DSE: variants seen among roughly 807,000 people sequenced by gnomAD.
DSE encodes the protein dermatan-sulfate epimerase.
DSE carries 36 observed loss-of-function variants against 84.4 expected under a neutral mutation model. The observed-to-expected ratio is 0.43, with a 90% CI of 0.33 to 0.56. The LOEUF is 0.56. DSE is among the 20% of genes least tolerant of loss of function. The pLI is 0.06. For missense variants in DSE, 862 were observed against 1,169.6 expected, an observed-to-expected ratio of 0.74 and a Z score of 3.84; for synonymous variants, 410 against 430.1, an observed-to-expected ratio of 0.95 and a Z score of 0.58.
rs1236531870 is a variant in DSE, at chr6:116,426,775, G to A, written c.618G>A (p.Gln206=). The A allele has an allele frequency of 6.2e-7, 1 of 1,614,166 alleles. No homozygotes were observed. Among genetic ancestry groups the A allele is most frequent in the South Asian group, 1.1e-5 (1 of 91,086 alleles). Residue 206 remains glutamine, a synonymous_variant, in exon 3 of 6, where the codon CAG becomes CAA. Coordinates refer to ENST00000644252, the MANE Select transcript of DSE (RefSeq NM_013352.4). ...GWGFQYLHNH[Q]PTNCMALLTG... is the part of the protein sequence containing the mutation. The stretch of plus-strand genomic sequence containing the variant: ...GATTTCAATACCTGCACAATCATCA[G>A]CCCACCAACTGTATGGCTTTGCTCA...
At chr6:116,266,885 G>A (rs1772650807) in intron 2 of DSE, among the ~76,000 whole-genome samples, 2 of 152,166 alleles carry the variant, frequency 1.3e-5, no homozygotes, top group Non-Finnish European at 2.9e-5. Context: ...AAATACTCAT[G>A]TGCCACATAA....
chr6:116,341,636 TA>T (rs1397136996), intron 2 of DSE, among the ~76,000 whole-genome samples: 1 of 152,250 alleles, frequency 6.6e-6, no homozygotes, highest in Non-Finnish European at 1.5e-5. Flanking sequence ...GTCTAACATT[TA>T]AGTCTTTAAT....
At chr6:116,258,508 G>T in exon 2 of DSE, 2 of 1,191,996 alleles carry the variant, frequency 1.7e-6, no homozygotes, top group Non-Finnish European at 2.5e-6. Context: ...GGTTGGACTT[G>T]GCCACATGCT....
chr6:116,425,627 T>C (rs1171062413), intron 2 of DSE, among the ~76,000 whole-genome samples: 1 of 94,752 alleles, frequency 1.1e-5, no homozygotes, highest in Non-Finnish European at 2.5e-5. Flanking sequence ...TTATTTTATT[T>C]TATTTTTTTT....
rs1337802354 is a variant in DSE at position 116,433,570 on chromosome 6, C to T, written c.1118+20C>T. 1 of 1,585,250 alleles carries T rather than the reference C, an allele frequency of 6.3e-7. No homozygotes were observed. ...TCTCTGGTATGACACATTGGGCTAGCTTTAAAGAGAAATGGTACCCAAGGG... is the reference window on the plus strand; with the variant it reads ...TCTCTGGTATGACACATTGGGCTAGTTTTAAAGAGAAATGGTACCCAAGGG... On this transcript the variant is annotated intron_variant, in intron 5 of 5. Coordinates refer to ENST00000644252, the MANE Select transcript of DSE (RefSeq NM_013352.4).
intron 2 of DSE, among the ~76,000 whole-genome samples, chr6:116,354,720 T>C (rs994308424): frequency 6.6e-6 from 1 of 152,218 alleles, no homozygotes; most frequent in Non-Finnish European, 1.5e-5. Flanking sequence ...TGCATTCTTA[T>C]AACATCTATA....
intron 1 of DSE, among the ~76,000 whole-genome samples, chr6:116,380,449 G>T (rs1780156394): frequency 6.6e-6 from 1 of 151,970 alleles, no homozygotes; most frequent in Non-Finnish European, 1.5e-5. Flanking sequence ...AGAAGAGGGG[G>T]AATGAATTGG....
chr6:116,339,312 T>C (rs964443143), intron 2 of DSE, among the ~76,000 whole-genome samples: 5 of 140,724 alleles, frequency 3.6e-5, no homozygotes, highest in African/African-American at 1.3e-4. Flanking sequence ...TTTTCTTCCT[T>C]TCTTTTTTTT....
chr6:116,344,528 CA>C (rs1777826670), intron 2 of DSE, among the ~76,000 whole-genome samples: 1 of 147,276 alleles, frequency 6.8e-6, no homozygotes, highest in Admixed American at 6.9e-5. Context: ...CATATCCAGC[CA>C]AACTAAGCTT....
At chr6:116,426,519 T>C (rs1583219893) in intron 2 of DSE, 55 bp from the exon 3 acceptor site, 1 of 1,581,732 alleles carries the variant, frequency 6.3e-7, no homozygotes, top group East Asian at 2.2e-5. Context: ...TTTAGAAGTG[T>C]GGTGAAAGCT....
chr6:116,395,354 G>A (rs1781179021), intron 1 of DSE, among the ~76,000 whole-genome samples: 1 of 152,004 alleles, frequency 6.6e-6, no homozygotes, highest in Non-Finnish European at 1.5e-5. Context: ...GAACCCAGGA[G>A]GCAGAGCTTG....
At position 116,297,245 on chromosome 6, in the gene DSE, A is replaced by G. The variant is rs142676655; in HGVS notation, c.-54+38278A>G. On this transcript the variant is annotated intron_variant, in intron 2 of 3. Transcript: ENST00000430252. ...CTAGGAGCCGTCCTTAGCTAAAGTC[A>G]GATGGGAGTTGGAGGAGGAACATTC... Among the ~76,000 whole-genome samples the G allele has an allele frequency of 2.3e-3, 356 of 152,270 alleles. 2 individuals carry two copies. The highest frequency in any genetic ancestry group is 8.2e-3 in the African/African-American group (342 of 41,548).
chr6:116,344,009 A>T (rs1296895434), intron 2 of DSE, among the ~76,000 whole-genome samples: 1 of 152,230 alleles, frequency 6.6e-6, no homozygotes, highest in African/African-American at 2.4e-5. Context: ...TCAGTAGCCG[A>T]TTTGATCAAG....
At chr6:116,270,980 T>C (rs901697874) in intron 2 of DSE, among the ~76,000 whole-genome samples, 83 of 152,338 alleles carry the variant, frequency 5.4e-4, no homozygotes, top group African/African-American at 1.9e-3. Context: ...AAGTTACTGA[T>C]ATATCTAATA....
intron 2 of DSE, among the ~76,000 whole-genome samples, chr6:116,327,586 T>C (rs532628000): frequency 1.3e-5 from 2 of 152,318 alleles, no homozygotes; most frequent in South Asian, 4.1e-4. Context: ...AGGGGTTACA[T>C]AGAAGTCACT....
chr6:116,309,549 A>T (rs1775547302), intron 2 of DSE, among the ~76,000 whole-genome samples: 2 of 152,252 alleles, frequency 1.3e-5, no homozygotes, highest in Admixed American at 6.5e-5. Context: ...AAATATAAAA[A>T]TAACACAATA....
At chr6:116,256,506 C>G (rs1313939243) in intron 1 of DSE, 1 of 152,164 alleles carries the variant, frequency 6.6e-6, no homozygotes, top group African/African-American at 2.4e-5. Context: ...TGCAGTTCAT[C>G]TTTGACCAAA....
At chr6:116,370,254 A>C (rs983472695), upstream of DSE, 1 of 246,978 alleles carries the variant, frequency 4.0e-6, no homozygotes, top group Admixed American at 4.6e-5. Flanking sequence ...AGCTGCCTAC[A>C]TTAAATGCTT....
chr6:116,256,917 G>T (rs780048320), intron 1 of DSE, among the ~76,000 whole-genome samples: 3 of 152,138 alleles, frequency 2.0e-5, no homozygotes, highest in Non-Finnish European at 4.4e-5. Flanking sequence ...CTACATCAGT[G>T]ACTTATGATT....
Sources: allele counts gnomAD v4.1 joint callset (sites outside exome capture counted in the v4.1 genomes callset), GRCh38; gene constraint gnomAD v4.1.1; transcripts MANE v1.5; gene names NCBI Gene and HGNC (gene_info 2026-07-23, HGNC 2026-07-21).